Variants in CPNE4 observed in about 807,000 individuals in gnomAD.
CPNE4 encodes copine 4.
A neutral mutation model predicts 67.9 loss-of-function variants in CPNE4; 25 were observed. The observed-to-expected ratio is 0.37, with a 90% CI of 0.27 to 0.51. The LOEUF is 0.51. Among genes scored for constraint, CPNE4 ranks in the 20% least tolerant of loss-of-function variants. The pLI is 0.93. For missense variants in CPNE4, 464 were observed against 690.8 expected (o/e 0.67, Z 3.68); for synonymous variants, 242 against 244.9 (o/e 0.99, Z 0.11).
intron 1 of CPNE4, among the ~76,000 whole-genome samples, chr3:131,949,453 C>T (rs779810695): frequency 1.3e-5 from 2 of 152,156 alleles, no homozygotes; most frequent in East Asian, 1.9e-4. Flanking sequence ...CTCAGTGAAA[C>T]ACGAAAAGAT....
chr3:131,663,223 A>G (rs944721776), intron 7 of CPNE4, among the ~76,000 whole-genome samples: 1 of 151,914 alleles, frequency 6.6e-6, no homozygotes, highest in Non-Finnish European at 1.5e-5. Context: ...AGAAAACCAA[A>G]CACCACATGT....
chr3:131,573,283 A>C (rs940019574), intron 10 of CPNE4, among the ~76,000 whole-genome samples: 1 of 151,826 alleles, frequency 6.6e-6, no homozygotes, highest in Admixed American at 6.6e-5. Flanking sequence ...CACACCTCCC[A>C]CAGGTCTATC....
intron 3 of CPNE4, 115 bp from the exon 4 acceptor site, chr3:131,700,095 C>T (rs1316284519): frequency 1.6e-5 from 8 of 495,792 alleles, no homozygotes; most frequent in African/African-American, 8.0e-5. Flanking sequence ...TCTGCATTCA[C>T]GTTTGTGTCA....
At chr3:131,811,721 G>A (rs2084534351) in intron 2 of CPNE4, among the ~76,000 whole-genome samples, 1 of 152,124 alleles carries the variant, frequency 6.6e-6, no homozygotes, top group Admixed American at 6.6e-5. Context: ...AAATAGTATA[G>A]TTAATCAGGA....
chr3:131,725,386 C>T (rs1477423787), intron 2 of CPNE4, among the ~76,000 whole-genome samples: 4 of 152,158 alleles, frequency 2.6e-5, no homozygotes, highest in East Asian at 1.9e-4. Flanking sequence ...CTGATTATGT[C>T]CCCATCCAAT....
intron 2 of CPNE4, among the ~76,000 whole-genome samples, chr3:131,765,022 G>A (rs967969311): frequency 1.3e-5 from 2 of 152,096 alleles, no homozygotes; most frequent in Non-Finnish European, 2.9e-5. Flanking sequence ...GGTGTATGAT[G>A]CCTTGTGTTG....
At chr3:131,837,557 T>C (rs1277287263) in intron 2 of CPNE4, among the ~76,000 whole-genome samples, 1 of 151,974 alleles carries the variant, frequency 6.6e-6, no homozygotes, top group Non-Finnish European at 1.5e-5. Context: ...TATAAAGGGA[T>C]AACACAGGGA....
intron 2 of CPNE4, among the ~76,000 whole-genome samples, chr3:131,871,137 G>A (rs2087183053): frequency 6.6e-6 from 1 of 152,146 alleles, no homozygotes; most frequent in Non-Finnish European, 1.5e-5. Flanking sequence ...ATCCCTGGAT[G>A]AAATAAGAAG....
chr3:131,607,063 C>T (rs1939553275), intron 7 of CPNE4, among the ~76,000 whole-genome samples: 2 of 147,844 alleles, frequency 1.4e-5, no homozygotes, highest in South Asian at 4.3e-4. Flanking sequence ...CCTAACATTG[C>T]TACCACTGAA....
chr3:131,831,023 C>G (rs73203817), intron 2 of CPNE4, among the ~76,000 whole-genome samples: 11,315 of 151,744 alleles, frequency 0.075, 570 homozygotes, highest in East Asian at 0.17. Flanking sequence ...TGAATTTTAC[C>G]TGTAGGACTC....
intron 2 of CPNE4, among the ~76,000 whole-genome samples, chr3:131,790,888 A>G (rs1320187232): frequency 6.6e-6 from 1 of 152,152 alleles, no homozygotes; most frequent in African/African-American, 2.4e-5. Flanking sequence ...ATTTTAGCCT[A>G]ATACAATACA....
At chr3:131,617,587 G>T (rs1232951488) in intron 7 of CPNE4, among the ~76,000 whole-genome samples, 2 of 152,084 alleles carry the variant, frequency 1.3e-5, no homozygotes, top group Admixed American at 6.6e-5. Context: ...TAGAAATGCT[G>T]ATCTTTATCA....
At chr3:131,940,786 A>G (rs2071362249) in intron 1 of CPNE4, among the ~76,000 whole-genome samples, 1 of 152,150 alleles carries the variant, frequency 6.6e-6, no homozygotes, top group African/African-American at 2.4e-5. Flanking sequence ...GACCAGGAAC[A>G]CACAATTACA....
chr3:131,599,003 T>A (rs564887198), intron 7 of CPNE4, among the ~76,000 whole-genome samples: 3 of 152,280 alleles, frequency 2.0e-5, no homozygotes, highest in South Asian at 4.1e-4. Context: ...TACCACTCAG[T>A]CTAGACCAGT....
intron 2 of CPNE4, among the ~76,000 whole-genome samples, chr3:131,736,690 G>A (rs2082242720): frequency 6.6e-6 from 1 of 151,552 alleles, no homozygotes; most frequent in Non-Finnish European, 1.5e-5. Flanking sequence ...GACACCCAGA[G>A]TTTAGGGATC....
At position 131,581,601 on chromosome 3, in the gene CPNE4, G is replaced by A. The variant is rs539821969; in HGVS notation, c.845C>T (p.Thr282Ile). The A allele has an allele frequency of 6.8e-6, 11 of 1,613,152 alleles. No homozygotes were observed. Among genetic ancestry groups the A allele is most frequent in the Non-Finnish European group, 8.5e-6 (10 of 1,179,152 alleles). ...AKKKNYKNSG[T>I]VILNLCKIHK... ...TACCTTGCACAGATTCAGAATCACAGTGCCTGAGTTCTTGTAATTCTTCTT... is the reference window on the plus strand; with the variant it reads ...TACCTTGCACAGATTCAGAATCACAATGCCTGAGTTCTTGTAATTCTTCTT... Residue 282 changes from threonine (T) to isoleucine (I), a missense_variant, in exon 9 of 16, where the codon ACT (threonine) becomes ATT (isoleucine). Around this residue, in one of 6 missense-constraint regions of CPNE4, gnomAD observed 201 missense variants for 357.7 expected, o/e 0.56. Transcript: ENST00000429747.
At chr3:132,017,381 G>A (rs1438836547) in intron 1 of CPNE4, 1 of 151,884 alleles carries the variant, frequency 6.6e-6, no homozygotes, top group African/African-American at 2.4e-5. Flanking sequence ...AAAAAGGAGT[G>A]GAAGAAAGGA....
intron 2 of CPNE4, among the ~76,000 whole-genome samples, chr3:131,828,574 G>T (rs2085255647): frequency 6.6e-6 from 1 of 152,192 alleles, no homozygotes. Context: ...TTGAGCTGCT[G>T]CAAAGAAAGT....
intron 1 of CPNE4, among the ~76,000 whole-genome samples, chr3:132,011,983 T>A (rs9826736): frequency 0.089 from 13,507 of 152,204 alleles, 721 homozygotes; most frequent in Non-Finnish European, 0.12. Context: ...GCATGTCTAA[T>A]CTTTAGGTCA....
Sources: allele counts gnomAD v4.1 joint callset (sites outside exome capture counted in the v4.1 genomes callset), GRCh38; gene constraint gnomAD v4.1.1; regional missense constraint gnomAD v4.1.1; transcripts MANE v1.5; gene names NCBI Gene and HGNC (gene_info 2026-07-23, HGNC 2026-07-21).